The following PIGR variants were observed in gnomAD, a reference collection of about 807,000 sequenced individuals.
PIGR encodes the protein polymeric immunoglobulin receptor.
In PIGR, 22 loss-of-function variants were observed where a neutral mutation model predicts 69.5. That is an observed-to-expected ratio of 0.32 (90% CI 0.23 to 0.45). The LOEUF is 0.45. PIGR is among the 20% of genes least tolerant of loss of function. The pLI, the probability that PIGR is intolerant of heterozygous loss-of-function variation, is 1.00. For missense variants in PIGR, 885 were observed against 974.0 expected (o/e 0.91, Z 1.22); for synonymous variants, 413 against 407.6 (o/e 1.01, Z -0.16).
chr1:206,933,297 G>T, intron 6 of PIGR, 131 bp from the exon 7 acceptor site: 2 of 783,474 alleles, frequency 2.6e-6, no homozygotes, highest in Non-Finnish European at 4.0e-6. Flanking sequence ...GTTGGGGTAG[G>T]ACCCAGGATG....
intron 3 of PIGR, among the ~76,000 whole-genome samples, chr1:206,938,087 T>C (rs1376160272): frequency 6.6e-6 from 1 of 152,266 alleles, no homozygotes. Flanking sequence ...ACCCCTCTGC[T>C]GTGACAAGCA....
In PIGR at chr1:206,939,203, G is replaced by C. The variant is rs1313789553; in HGVS notation, c.304C>G (p.Gln102Glu). The C allele has an allele frequency of 6.2e-7, 1 of 1,614,218 alleles. No individual in the cohort carries two copies. Among genetic ancestry groups the C allele is most frequent in the East Asian group, 2.2e-5 (1 of 44,894 alleles). ...CACTTGTAGCGCCCGGAGTCATCCT[G>C]GCTCAGCTGGGCAATGTTCACCACA... ...TFVVNIAQLS[Q>E]DDSGRYKCGL... The change falls in exon 3 of 11, where the codon CAG becomes GAG. Residue 102 changes from glutamine to glutamate, a missense_variant. Coordinates refer to ENST00000356495, the MANE Select transcript of PIGR (RefSeq NM_002644.4).
intron 4 of PIGR, among the ~76,000 whole-genome samples, chr1:206,936,783 C>T (rs1157948334): frequency 6.6e-6 from 1 of 152,174 alleles, no homozygotes. Flanking sequence ...GCAGAGCCTG[C>T]CACAGCCCTG....
At chr1:206,936,814 G>A (rs1305203873) in intron 4 of PIGR, among the ~76,000 whole-genome samples, 1 of 152,180 alleles carries the variant, frequency 6.6e-6, no homozygotes, top group Non-Finnish European at 1.5e-5. Context: ...TATAAGTCCT[G>A]CCTCAATCAA....
At chr1:206,939,562 T>C (rs2102602302) in intron 2 of PIGR, 99 bp from the exon 3 acceptor site, 1 of 743,718 alleles carries the variant, frequency 1.3e-6, no homozygotes, top group South Asian at 1.8e-5. Context: ...ACCTGACACG[T>C]AGGCCCTGTG....
chr1:206,937,775 AG>A (rs1313619138), intron 3 of PIGR, 24 bp from the exon 4 acceptor site: 14 of 1,608,110 alleles, frequency 8.7e-6, no homozygotes, highest in Non-Finnish European at 1.2e-5. Context: ...GGTGCAAGGT[AG>A]GGGGCAGGCA....
intron 3 of PIGR, among the ~76,000 whole-genome samples, chr1:206,938,141 A>G (rs920405164): frequency 6.6e-6 from 1 of 152,258 alleles, no homozygotes; most frequent in African/African-American, 2.4e-5. Context: ...GTGTGCTGAA[A>G]TGAACAGAAT....
intron 1 of PIGR, 29 bp from the exon 2 acceptor site, chr1:206,940,613 A>T (rs2102602952): frequency 7.3e-7 from 1 of 1,363,234 alleles, no homozygotes; most frequent in South Asian, 1.4e-5. Flanking sequence ...AAGGAGATGA[A>T]GCGCCCCTTG....
At position 206,937,310 on chromosome 1, in the gene PIGR, T is replaced by C. The variant is rs1368077186; in HGVS notation, c.830A>G (p.Glu277Gly). The part of the protein sequence containing the change: ...AKFLCRQSSG[E>G]NCDVVVNTLG... ...GGTGTTGACGACCACGTCACAGTTT[T>C]CCCCACTGCTCTGTCGGCACAGAAA... The change falls in exon 4 of 11, where the codon GAA (glutamate) becomes GGA (glycine). Residue 277 changes from glutamate (E) to glycine (G), a missense_variant. By Grantham distance (98) the Glu-to-Gly change is moderately conservative. Coordinates refer to ENST00000356495, the MANE Select transcript of PIGR (RefSeq NM_002644.4). The C allele has an allele frequency of 6.2e-7, 1 of 1,613,144 alleles. No individual in the cohort carries two copies. The highest frequency in any genetic ancestry group is 1.7e-5 in the Admixed American group (1 of 59,934).
chr1:206,944,280 C>T (rs528628305), intron 1 of PIGR, among the ~76,000 whole-genome samples: 1 of 152,250 alleles, frequency 6.6e-6, no homozygotes, highest in South Asian at 2.1e-4. Context: ...CAAGACCAGC[C>T]TGGCCAACAT....
At chr1:206,931,842 T>C (rs1679760087) in intron 8 of PIGR, 40 bp from the exon 9 acceptor site, 9 of 1,612,646 alleles carry the variant, frequency 5.6e-6, no homozygotes, top group Admixed American at 1.7e-5. Context: ...GGACAGGGGC[T>C]GGGACCTAGA....
In PIGR at chr1:206,930,470, CA is replaced by C. The variant is rs1679715797; in HGVS notation, c.2200-58del. On this transcript the variant is annotated intron_variant, in intron 10 of 10. Transcript: ENST00000356495. This position sits in a 1 kb window ranked among gnomAD's most constrained non-coding sequence, Gnocchi z 4.3. ...GGGGCACTGGCTCAGTGGGTGGAGTCAGGGGAGGGGAGGTGCTTAATGTCCT... is the reference window on the plus strand; with the variant it reads ...GGGGCACTGGCTCAGTGGGTGGAGTCGGGGAGGGGAGGTGCTTAATGTCCT... 23 of 1,569,444 alleles carry C rather than the reference CA, an allele frequency of 1.5e-5. No individual in the cohort carries two copies. The South Asian group carries it at 2.7e-4, about 19-fold the overall frequency.
intron 4 of PIGR, among the ~76,000 whole-genome samples, chr1:206,936,392 C>T (rs1024554204): frequency 4.6e-5 from 7 of 152,248 alleles, no homozygotes; most frequent in African/African-American, 1.7e-4. Flanking sequence ...CTGGTGAAAA[C>T]CCAGAGCTGG....
chr1:206,928,650 G>A lies in PIGR; in HGVS notation c.*1668C>T, dbSNP rs895597216. ...AAATTAAATTTTAGCTTTCTGGAGAGCAGCCCCTCTCTGGCACCATCAAAC... is the reference window on the plus strand; with the variant it reads ...AAATTAAATTTTAGCTTTCTGGAGAACAGCCCCTCTCTGGCACCATCAAAC... On this transcript the variant is annotated 3_prime_UTR_variant, in exon 11 of 11. Coordinates refer to ENST00000356495, the MANE Select transcript of PIGR (RefSeq NM_002644.4). 6.6e-6 allele frequency: 1 copy of A among 152,606 alleles called. No individual in the cohort carries two copies. Among genetic ancestry groups the A allele is most frequent in the African/African-American group, 2.4e-5 (1 of 41,426 alleles). 9.5% of individuals were successfully genotyped at this position (152,606 alleles called of 1,614,324 possible).
chr1:206,939,560 C>T (rs1007599319), intron 2 of PIGR, 97 bp from the exon 3 acceptor site: 18 of 752,878 alleles, frequency 2.4e-5, no homozygotes, highest in African/African-American at 1.4e-4. Context: ...CTACCTGACA[C>T]GTAGGCCCTG....
rs1679932060 is a variant in PIGR at position 206,939,166 on chromosome 1, A to C, written c.341T>G (p.Ile114Ser). The C allele has an allele frequency of 5.0e-6, 8 of 1,613,978 alleles. No homozygotes were observed. In the East Asian group the frequency reaches 1.6e-4, roughly 31 times the overall value. Residue 114 changes from isoleucine (I) to serine (S), a missense_variant, in exon 3 of 11, where the codon ATC (isoleucine) becomes AGC (serine). Transcript: ENST00000356495. ...DSGRYKCGLG[I>S]NSRGLSFDVS... ...ATCAAAGGACAGGCCTCGGCTATTG[A>C]TGCCCAGGCCACACTTGTAGCGCCC...
intron 2 of PIGR, among the ~76,000 whole-genome samples, 157 bp from the exon 3 acceptor site, chr1:206,939,620 A>G (rs1679941497): frequency 6.6e-6 from 1 of 152,256 alleles, no homozygotes; most frequent in Non-Finnish European, 1.5e-5. Flanking sequence ...GAGATTAAAT[A>G]AAGTGACTGT....
chr1:206,943,722 A>T (rs758848733), intron 1 of PIGR, among the ~76,000 whole-genome samples: 2 of 152,186 alleles, frequency 1.3e-5, no homozygotes, highest in African/African-American at 2.4e-5. Flanking sequence ...ACTTGGTATG[A>T]GAGTAGAAGT....
At chr1:206,936,126 T>G (rs1045350806) in intron 4 of PIGR, among the ~76,000 whole-genome samples, 8 of 152,236 alleles carry the variant, frequency 5.3e-5, no homozygotes, top group African/African-American at 1.9e-4. Context: ...CTTCTTTGGC[T>G]TCTTACAAAG....
Sources: gnomAD v4.1 joint callset for allele counts (sites outside exome capture counted in the v4.1 genomes callset) on GRCh38, gnomAD v4.1.1 for gene constraint, Gnocchi (gnomAD v3.1) non-coding constraint, MANE v1.5 for transcripts, NCBI Gene and HGNC (gene_info 2026-07-23, HGNC 2026-07-21) for gene names.